BRAF: variants seen among roughly 807,000 people sequenced by gnomAD.
BRAF encodes the protein B-Raf proto-oncogene, serine/threonine kinase.
In BRAF, 16 loss-of-function variants were observed where a neutral mutation model predicts 104.6. That is an observed-to-expected ratio of 0.15 (90% CI 0.10 to 0.23). BRAF has a LOEUF of 0.23. BRAF is among the 10% of genes least tolerant of loss of function. The pLI, the probability that BRAF is intolerant of heterozygous loss-of-function variation, is 1.00. For missense variants in BRAF, 541 were observed against 937.3 expected (o/e 0.58, Z 5.52); for synonymous variants, 310 against 341.6 (o/e 0.91, Z 1.02).
chr7:140,846,163 A>G (rs1421517631), intron 2 of BRAF, among the ~76,000 whole-genome samples: 1 of 152,100 alleles, frequency 6.6e-6, no homozygotes, highest in African/African-American at 2.4e-5. Context: ...CCTGGTATAT[A>G]CCCCAAAGAA....
At chr7:140,872,215 C>CT (rs1811677375) in intron 1 of BRAF, among the ~76,000 whole-genome samples, 1 of 99,284 alleles carries the variant, frequency 1.0e-5, no homozygotes, top group African/African-American at 9.1e-5. Context: ...AACTCCATCT[C>CT]AAAATAAATA....
intron 1 of BRAF, among the ~76,000 whole-genome samples, chr7:140,864,873 G>T (rs545002951): frequency 6.6e-6 from 1 of 152,260 alleles, no homozygotes; most frequent in East Asian, 1.9e-4. Context: ...TGAAATCTGA[G>T]TCACAAGTAG....
At chr7:140,801,651 G>T in intron 5 of BRAF, 91 bp from the exon 6 acceptor site, 3 of 1,345,332 alleles carry the variant, frequency 2.2e-6, no homozygotes, top group Non-Finnish European at 3.1e-6. Context: ...AAATAACAAA[G>T]TTGTAATATA....
At chr7:140,834,984 T>G in intron 2 of BRAF, 112 bp from the exon 3 acceptor site, 3 of 1,235,412 alleles carry the variant, frequency 2.4e-6, no homozygotes, top group Non-Finnish European at 3.5e-6. Flanking sequence ...GATAGGGTTT[T>G]AAGTTTCAAA....
At chr7:140,864,380 C>T (rs1232352995) in intron 1 of BRAF, among the ~76,000 whole-genome samples, 1 of 152,062 alleles carries the variant, frequency 6.6e-6, no homozygotes, top group Non-Finnish European at 1.5e-5. Context: ...GACAGTGATG[C>T]CATGAGGGAG....
At chr7:140,790,695 T>C (rs1801860280) in intron 8 of BRAF, among the ~76,000 whole-genome samples, 1 of 152,214 alleles carries the variant, frequency 6.6e-6, no homozygotes, top group African/African-American at 2.4e-5. Context: ...AGAGACATAA[T>C]TTCCAAGCTC....
chr7:140,718,126 G>A (rs1486270387), downstream of BRAF, among the ~76,000 whole-genome samples: 3 of 152,128 alleles, frequency 2.0e-5, no homozygotes, highest in Non-Finnish European at 4.4e-5. Context: ...ACAGAGTCTC[G>A]CTCTGTTGCC....
chr7:140,721,202 T>C lies in BRAF; in HGVS notation c.*5292A>G, dbSNP rs942140327. Reference sequence around the variant, plus strand: ...AATGTCAACATTTTAATAAAGCTGATTTAGTAATTAATAAAACTTAACAGT... The same window carrying C: ...AATGTCAACATTTTAATAAAGCTGACTTAGTAATTAATAAAACTTAACAGT... On this transcript the variant is annotated 3_prime_UTR_variant, in exon 20 of 20. Coordinates refer to ENST00000644969, the MANE Select transcript of BRAF (RefSeq NM_001374258.1). 2.8e-6 allele frequency: 3 copies of C among 1,075,220 alleles called. No individual in the cohort carries two copies. The highest frequency in any genetic ancestry group is 4.5e-5 in the South Asian group (1 of 22,036). The allele number at this position is 1,075,220 out of a possible 1,614,324, so 66.6% of individuals were successfully genotyped here.
chr7:140,882,608 C>A (rs892430256), intron 1 of BRAF, among the ~76,000 whole-genome samples: 2 of 151,996 alleles, frequency 1.3e-5, no homozygotes, highest in African/African-American at 2.4e-5. Context: ...GAACACCAGA[C>A]CTTAGGTGAT....
At chr7:140,736,712 C>A (rs1456585993) in intron 18 of BRAF, among the ~76,000 whole-genome samples, 3 of 150,842 alleles carry the variant, frequency 2.0e-5, no homozygotes, top group African/African-American at 4.9e-5. Context: ...CAGGCGTGAG[C>A]CACCGTGCCT....
chr7:140,834,979 G>A, intron 2 of BRAF, 107 bp from the exon 3 acceptor site: 2 of 1,283,188 alleles, frequency 1.6e-6, no homozygotes. Flanking sequence ...CAGTTGATAG[G>A]GTTTTAAGTT....
chr7:140,895,420 ATTTC>A (rs1415428283), intron 1 of BRAF, among the ~76,000 whole-genome samples: 1 of 152,180 alleles, frequency 6.6e-6, no homozygotes, highest in African/African-American at 2.4e-5. Flanking sequence ...AACATTCGTC[ATTTC>A]TTTGTGTTGG....
chr7:140,907,507 G>T (rs6952601), intron 1 of BRAF, among the ~76,000 whole-genome samples: 2 of 151,762 alleles, frequency 1.3e-5, no homozygotes, highest in African/African-American at 4.8e-5. Flanking sequence ...GTGATCTGTC[G>T]GCCTCAGCCT....
At chr7:140,865,296 T>G (rs1810836599) in intron 1 of BRAF, among the ~76,000 whole-genome samples, 1 of 152,126 alleles carries the variant, frequency 6.6e-6, no homozygotes, top group African/African-American at 2.4e-5. Flanking sequence ...GCCAGCCTGG[T>G]CTTGAACTCC....
chr7:140,917,528 G>A (rs918687753), intron 1 of BRAF, among the ~76,000 whole-genome samples: 1 of 152,176 alleles, frequency 6.6e-6, no homozygotes, highest in African/African-American at 2.4e-5. Context: ...TTGGGAGGCT[G>A]AGGCTGGAAG....
chr7:140,829,949 T>C (rs752039769), intron 3 of BRAF, among the ~76,000 whole-genome samples: 49 of 152,204 alleles, frequency 3.2e-4, no homozygotes, highest in Non-Finnish European at 6.2e-4. Context: ...CCATGTCTCT[T>C]ATCTTTTTTC....
intron 1 of BRAF, among the ~76,000 whole-genome samples, chr7:140,890,138 T>C (rs919730027): frequency 2.6e-5 from 4 of 152,214 alleles, no homozygotes; most frequent in African/African-American, 4.8e-5. Flanking sequence ...ACAGCCCTAT[T>C]ATTTGAATGA....
At chr7:140,745,526 C>T (rs990901512) in intron 17 of BRAF, among the ~76,000 whole-genome samples, 1 of 152,134 alleles carries the variant, frequency 6.6e-6, no homozygotes, top group Non-Finnish European at 1.5e-5. Context: ...ATTCATGTGG[C>T]ACATACACAA....
intron 19 of BRAF, chr7:140,733,493 C>A (rs1467407271): frequency 6.6e-6 from 1 of 152,152 alleles, no homozygotes. Flanking sequence ...CACTGACCAC[C>A]ACATTACAGT....
Sources: allele counts gnomAD v4.1 joint callset (sites outside exome capture counted in the v4.1 genomes callset), GRCh38; gene constraint gnomAD v4.1.1; transcripts MANE v1.5; gene names NCBI Gene and HGNC (gene_info 2026-07-23, HGNC 2026-07-21).